Variants in PROS1 observed in about 807,000 individuals in gnomAD.
The protein encoded by PROS1 is vitamin K-dependent protein S.
A neutral mutation model predicts 75.9 loss-of-function variants in PROS1; 29 were observed. That is an observed-to-expected ratio of 0.38 (90% CI 0.28 to 0.52). The LOEUF (loss-of-function observed/expected upper bound fraction) is 0.52, where lower values mean the gene tolerates loss of function less well. Among genes scored for constraint, PROS1 ranks in the 20% least tolerant of loss-of-function variants. PROS1 has a pLI of 0.83. For synonymous variants in PROS1, 245 were observed against 280.6 expected (o/e 0.87, Z 1.27); for missense variants, 680 against 810.3 (o/e 0.84, Z 1.95).
chr3:93,910,096 T>C (rs1218283113), intron 4 of PROS1, among the ~76,000 whole-genome samples: 2 of 152,206 alleles, frequency 1.3e-5, no homozygotes, highest in Admixed American at 1.3e-4. Flanking sequence ...TATCCTGTGA[T>C]TGCACCATTT....
intron 12 of PROS1, 122 bp from the exon 13 acceptor site, chr3:93,879,436 C>T (rs1478969822): frequency 2.2e-6 from 3 of 1,342,606 alleles, no homozygotes; most frequent in Non-Finnish European, 2.1e-6. Context: ...TTTCCATTCC[C>T]TTTCTCAATG....
chr3:93,881,420 C>T (rs1244777706), intron 12 of PROS1, among the ~76,000 whole-genome samples: 4 of 152,106 alleles, frequency 2.6e-5, no homozygotes, highest in Admixed American at 2.0e-4. Context: ...ATCATGTTCA[C>T]TATTTGGGTG....
Position 93,972,417 on chromosome 3 carries a change from T to C in PROS1, c.76+1257A>G, listed in dbSNP as rs1709893576. ...TAGAAACTAGTGGAATGTTAGCAAA[T>C]TGATATATAATTTTCTAGAAATTTC... On this transcript the variant is annotated intron_variant, in intron 1 of 14. Coordinates refer to ENST00000394236, the MANE Select transcript of PROS1 (RefSeq NM_000313.4). Among the ~76,000 whole-genome samples the C allele has an allele frequency of 3.3e-5, 5 of 152,224 alleles. No individual in the cohort carries two copies. In the South Asian group the frequency reaches 1.0e-3, roughly 32 times the overall value.
chr3:93,971,546 G>T (rs768283705), intron 1 of PROS1, among the ~76,000 whole-genome samples: 7 of 151,090 alleles, frequency 4.6e-5, no homozygotes, highest in Non-Finnish European at 1.0e-4. Context: ...TAGGCAGGCC[G>T]CTTGAACCCT....
chr3:93,883,238 A>T (rs1156920595), intron 12 of PROS1, among the ~76,000 whole-genome samples: 20 of 152,190 alleles, frequency 1.3e-4, no homozygotes, highest in Non-Finnish European at 1.5e-5. Context: ...CTTGAGAGAC[A>T]CAAGTGGGAG....
intron 1 of PROS1, among the ~76,000 whole-genome samples, chr3:93,951,550 G>C (rs1709495924): frequency 6.6e-6 from 1 of 152,170 alleles, no homozygotes; most frequent in Middle Eastern, 3.2e-3. Flanking sequence ...AATGCTGAGA[G>C]ATTTTGTCAC....
At chr3:93,912,779 C>G (rs1708777924) in intron 3 of PROS1, among the ~76,000 whole-genome samples, 1 of 152,096 alleles carries the variant, frequency 6.6e-6, no homozygotes. Context: ...AGCCTCAAGC[C>G]CTTTTATAAT....
chr3:93,898,287 A>G (rs1387606483), intron 8 of PROS1, among the ~76,000 whole-genome samples, 161 bp downstream of exon 8: 7 of 152,084 alleles, frequency 4.6e-5, no homozygotes, highest in Non-Finnish European at 1.0e-4. Context: ...TATGACTTAC[A>G]TGACCATAAT....
intron 1 of PROS1, among the ~76,000 whole-genome samples, chr3:93,955,290 G>T (rs1026480403): frequency 3.3e-5 from 5 of 152,034 alleles, no homozygotes; most frequent in Admixed American, 3.3e-4. Context: ...TGTTTATTGC[G>T]GCACTATTCA....
rs1708584099 is a variant in PROS1 at position 93,900,928 on chromosome 3, A to G, written c.603T>C (p.Asp201=). 3 of 1,613,532 alleles carry G rather than the reference A, an allele frequency of 1.9e-6. No homozygotes were observed. Among genetic ancestry groups the G allele is most frequent in the Non-Finnish European group, 2.5e-6 (3 of 1,179,896 alleles). The part of the protein sequence containing the change: ...VMLSNKKDCK[D]VDECSLKPSI... ...TTGGCTTCAAAGAGCATTCATCCAC[A>G]TCTATAAATAAAATCACTATATTAA... The change falls in exon 7 of 15, where the codon GAT becomes GAC. Residue 201 remains aspartate, a splice_region_variant and synonymous_variant. Coordinates refer to ENST00000394236, the MANE Select transcript of PROS1 (RefSeq NM_000313.4).
At position 93,929,351 on chromosome 3, in the gene PROS1, C is replaced by T. The variant is rs550238839; in HGVS notation, c.77-1944G>A. 1.6e-4 allele frequency among the ~76,000 whole-genome samples: 24 copies of T among 152,012 alleles called. No homozygotes were observed. The South Asian group carries it at 4.2e-3, about 26-fold the overall frequency. On this transcript the variant is annotated intron_variant, in intron 1 of 14. Transcript: ENST00000394236. ...ACAATTGTCCAGGTGTAGTGGTGCACACCTGTAGTCCCAGCTAGTCAGGAG... is the reference window on the plus strand; with the variant it reads ...ACAATTGTCCAGGTGTAGTGGTGCATACCTGTAGTCCCAGCTAGTCAGGAG...
chr3:93,971,639 A>ACG (rs1308180487), intron 1 of PROS1, among the ~76,000 whole-genome samples: 1 of 149,488 alleles, frequency 6.7e-6, no homozygotes, highest in East Asian at 2.0e-4. Flanking sequence ...ACACACACAC[A>ACG]CACACACACA....
chr3:93,968,510 C>T (rs1709822778), intron 1 of PROS1, among the ~76,000 whole-genome samples: 1 of 152,154 alleles, frequency 6.6e-6, no homozygotes, highest in Non-Finnish European at 1.5e-5. Flanking sequence ...AAACCACCTA[C>T]TTTGTGGTAC....
intron 1 of PROS1, among the ~76,000 whole-genome samples, chr3:93,961,395 T>C (rs1709703797): frequency 6.6e-6 from 1 of 152,204 alleles, no homozygotes; most frequent in South Asian, 2.1e-4. Context: ...CAAATTGCCA[T>C]GTTATGGTGA....
At chr3:93,883,358 G>C (rs1352760057) in intron 12 of PROS1, among the ~76,000 whole-genome samples, 2 of 152,164 alleles carry the variant, frequency 1.3e-5, no homozygotes, top group South Asian at 2.1e-4. Context: ...CCAGCACTTA[G>C]AGAGGCTAAG....
intron 1 of PROS1, 70 bp from the exon 2 acceptor site, chr3:93,927,477 TAA>T (rs1709037332): frequency 2.0e-6 from 3 of 1,484,778 alleles, no homozygotes; most frequent in South Asian, 2.5e-5. Context: ...TATTAAACAA[TAA>T]GAGTTAAAAT....
rs181809301 is a variant in PROS1, at chr3:93,943,331, G to A, written c.77-15924C>T. On this transcript the variant is annotated intron_variant, in intron 1 of 14. Transcript: ENST00000394236. The stretch of plus-strand genomic sequence containing the variant: ...TGAACCCCTTGGACACTCTCTAATT[G>A]GATGTCCTGGGTCCTCCCAATTCTT... Among the ~76,000 whole-genome samples, 973 of 152,062 alleles carry A rather than the reference G, an allele frequency of 6.4e-3. 16 individuals are homozygous for A. Among genetic ancestry groups the A allele is most frequent in the African/African-American group, 0.023 (934 of 41,480 alleles).
chr3:93,894,748 T>C (rs1576180979), intron 9 of PROS1, among the ~76,000 whole-genome samples: 1 of 152,042 alleles, frequency 6.6e-6, no homozygotes, highest in East Asian at 1.9e-4. Context: ...TTTGCAAAAA[T>C]AAATAAAAGC....
intron 10 of PROS1, among the ~76,000 whole-genome samples, chr3:93,888,770 C>T (rs928934642): frequency 6.6e-6 from 1 of 152,198 alleles, no homozygotes; most frequent in Non-Finnish European, 1.5e-5. Context: ...TCCCCATATC[C>T]TGTTATACAC....
Sources: allele counts gnomAD v4.1 joint callset (sites outside exome capture counted in the v4.1 genomes callset), GRCh38; gene constraint gnomAD v4.1.1; transcripts MANE v1.5; gene names NCBI Gene and HGNC (gene_info 2026-07-23, HGNC 2026-07-21).